The following SLC17A9 variants were observed in gnomAD, a reference collection of about 807,000 sequenced individuals.
SLC17A9 encodes the protein solute carrier family 17 member 9, also known as voltage-gated purine nucleotide uniporter SLC17A9.
Under a neutral mutation model 55.0 loss-of-function variants are expected in SLC17A9, and 49 were observed. The observed-to-expected ratio is 0.89, with a 90% confidence interval of 0.71 to 1.13. The LOEUF is 1.13. Among genes scored for constraint, SLC17A9 ranks in the 50% most tolerant of loss-of-function variants. The pLI is 0.00. For missense variants in SLC17A9, 526 were observed against 569.3 expected, an observed-to-expected ratio of 0.92 and a Z score of 0.77; for synonymous variants, 256 against 247.4, an observed-to-expected ratio of 1.03 and a Z score of -0.32.
At chr20:62,964,180 G>A (rs2065614266) in intron 7 of SLC17A9, 48 bp from the exon 8 acceptor site, 3 of 1,591,112 alleles carry the variant, frequency 1.9e-6, no homozygotes, top group Non-Finnish European at 2.6e-6. Context: ...CTTCCAGATG[G>A]CCAGATGCCG....
intron 7 of SLC17A9, 136 bp from the exon 8 acceptor site, chr20:62,964,092 C>T: frequency 1.2e-6 from 1 of 851,558 alleles, no homozygotes; most frequent in Non-Finnish European, 1.9e-6. Context: ...TGCACATTCC[C>T]AGGAGCAGGG....
At position 62,967,680 on chromosome 20, in the gene SLC17A9, G is replaced by GGGGGGGGC; in HGVS notation, c.*180_*181insGGGGGGGC. 1 of 282,786 alleles carries GGGGGGGGC rather than the reference G, an allele frequency of 3.5e-6. No homozygotes were observed. The highest frequency in any genetic ancestry group is 7.0e-6 in the Non-Finnish European group (1 of 142,700). 17.5% of individuals were successfully genotyped at this position (282,786 alleles called of 1,614,324 possible). ...AACAGCTGGTGGGAGGGTGGGGTGG[G>GGGGGGGGC]CCTGGGTCCAGACCAGGCTCGCTGC... On this transcript the variant is annotated 3_prime_UTR_variant, in exon 13 of 13. Transcript: ENST00000370351.
In SLC17A9 at chr20:62,967,742, C is replaced by T. The variant is rs1422421069; in HGVS notation, c.*242C>T. 4 of 472,632 alleles carry T rather than the reference C, an allele frequency of 8.5e-6. No individual in the cohort carries two copies. Among genetic ancestry groups the T allele is most frequent in the East Asian group, 3.6e-5 (1 of 27,924 alleles). 29.3% of individuals were successfully genotyped at this position (472,632 alleles called of 1,614,324 possible). ...CAGTTTCCCCACCTGCCAGCGGGCT[C>T]GGCCCTGTCCTCCTCACAGGCTGGT... is the stretch of plus-strand genomic sequence containing the variant. On this transcript the variant is annotated 3_prime_UTR_variant, in exon 13 of 13. Coordinates refer to ENST00000370351, the MANE Select transcript of SLC17A9 (RefSeq NM_022082.4).
rs1287197450 is a variant in SLC17A9 at position 62,963,659 on chromosome 20, G to A, written c.801G>A (p.Glu267=). Reference sequence around the variant, plus strand: ...TCTCCTGGCTGCCCACCTTCTTCGAGGAGACCTTCCCCGACGCCAAGGTGA... The same window carrying A: ...TCTCCTGGCTGCCCACCTTCTTCGAAGAGACCTTCCCCGACGCCAAGGTGA... ...ILLSWLPTFF[E]ETFPDAKGWI... Residue 267 remains glutamate (E), a synonymous_variant, in exon 7 of 13, where the codon GAG becomes GAA. Coordinates refer to ENST00000370351, the MANE Select transcript of SLC17A9 (RefSeq NM_022082.4). 3.7e-6 allele frequency: 6 copies of A among 1,600,760 alleles called. No homozygotes were observed. Among genetic ancestry groups the A allele is most frequent in the Non-Finnish European group, 4.3e-6 (5 of 1,173,772 alleles).
At chr20:62,964,917 G>C in intron 8 of SLC17A9, 1 of 565,612 alleles carries the variant, frequency 1.8e-6, no homozygotes, top group Non-Finnish European at 3.1e-6. Context: ...CCAAACCCAC[G>C]CCTTGGGAAC....
Position 62,967,238 on chromosome 20 carries a change from C to T in SLC17A9, c.1148-99C>T, listed in dbSNP as rs2147662855. 9 of 1,437,744 alleles carry T rather than the reference C, an allele frequency of 6.3e-6. No individual in the cohort carries two copies. The East Asian group carries it at 1.1e-4, about 18-fold the overall frequency. The allele number at this position is 1,437,744 out of a possible 1,614,324, so 89.1% of individuals were successfully genotyped here. The stretch of plus-strand genomic sequence containing the variant: ...ATGGGGGCTCCTATCAGGCGCTAGA[C>T]CCCCAGCCCTTCCCCTGGCACTACC... On this transcript the variant is annotated intron_variant, in intron 12 of 12. Transcript: ENST00000370351.
chr20:62,957,165 A>G, intron 2 of SLC17A9: 1 of 985,304 alleles, frequency 1.0e-6, no homozygotes, highest in African/African-American at 1.7e-5. Flanking sequence ...CTTGGTGGAT[A>G]AATCTGGGCA....
In SLC17A9 at chr20:62,953,162, C is replaced by G. The variant is rs907883651; in HGVS notation, c.59+273C>G. 19 of 1,535,718 alleles carry G rather than the reference C, an allele frequency of 1.2e-5. No individual in the cohort carries two copies. In the Middle Eastern group the frequency reaches 6.7e-4, roughly 54 times the overall value. The stretch of plus-strand genomic sequence containing the variant: ...CTCTTCCAGGCAGGGCTATGTTCCC[C>G]AGGCCAGGGGCATTGTCCTGGACAG... On this transcript the variant is annotated intron_variant, in intron 1 of 12. Transcript: ENST00000370351.
rs1320532331 is a variant in SLC17A9 at position 62,968,796 on chromosome 20, AGG to A, written c.*1299_*1300del. ...TGGGTTTCGGGGTTCCTTTGCCGCC[AGG>A]GGTCCTGCGTGTCCACAGATGACAG... On this transcript the variant is annotated 3_prime_UTR_variant, in exon 13 of 13. Coordinates refer to ENST00000370351, the MANE Select transcript of SLC17A9 (RefSeq NM_022082.4). 6.6e-6 allele frequency: 1 copy of A among 152,242 alleles called. No individual in the cohort carries two copies. The highest frequency in any genetic ancestry group is 2.4e-5 in the African/African-American group (1 of 41,442). The allele number at this position is 152,242 out of a possible 1,614,324, so 9.4% of individuals were successfully genotyped here.
chr20:62,967,224 T>TA (rs2065648820), intron 12 of SLC17A9, 113 bp from the exon 13 acceptor site: 8 of 1,293,882 alleles, frequency 6.2e-6, no homozygotes, highest in Admixed American at 2.0e-5. Flanking sequence ...TGGGGGCTCC[T>TA]ATCAGGCGCT....
intron 3 of SLC17A9, among the ~76,000 whole-genome samples, chr20:62,960,292 G>A (rs1429947983): frequency 1.3e-5 from 2 of 152,244 alleles, no homozygotes; most frequent in African/African-American, 4.8e-5. Context: ...TCCCTCAGCC[G>A]TGCGGGTGGC....
intron 1 of SLC17A9, among the ~76,000 whole-genome samples, chr20:62,955,254 T>G (rs2065526986): frequency 6.6e-6 from 1 of 151,288 alleles, no homozygotes; most frequent in Non-Finnish European, 1.5e-5. Context: ...TTCAAGCGAT[T>G]CTCCTGCCTC....
At chr20:62,966,619 G>T in intron 11 of SLC17A9, 39 bp downstream of exon 11, 1 of 1,613,864 alleles carries the variant, frequency 6.2e-7, no homozygotes, top group Non-Finnish European at 8.5e-7. Context: ...CCCCTCCCTG[G>T]GCCTCCGGGT....
intron 2 of SLC17A9, 186 bp from the exon 3 acceptor site, chr20:62,957,255 G>A (rs2147646720): frequency 2.0e-6 from 2 of 985,410 alleles, no homozygotes; most frequent in Non-Finnish European, 2.4e-6. Context: ...GCAGGCAGAG[G>A]AGGCAGGCCG....
rs2065560161 is a variant in SLC17A9 at position 62,958,320 on chromosome 20, T to C, written c.397+740T>C. 6.6e-6 allele frequency among the ~76,000 whole-genome samples: 1 copy of C among 152,094 alleles called. No individual in the cohort carries two copies. Among genetic ancestry groups the C allele is most frequent in the Non-Finnish European group, 1.5e-5 (1 of 68,000 alleles). On this transcript the variant is annotated intron_variant, in intron 3 of 12. Coordinates refer to ENST00000370351, the MANE Select transcript of SLC17A9 (RefSeq NM_022082.4). This position sits in a 1 kb window ranked among gnomAD's most constrained non-coding sequence, Gnocchi z 4.1. ...TGGATTCCAGCTGCAAGGGACCTGC[T>C]GTGGGACTCTGGGTTTTGTGCATTT...
chr20:62,964,794 A>G (rs988953023), intron 8 of SLC17A9, among the ~76,000 whole-genome samples: 16 of 152,182 alleles, frequency 1.1e-4, no homozygotes, highest in Non-Finnish European at 2.4e-4. Flanking sequence ...CTAATTGCAA[A>G]AGGAATACAC....
At chr20:62,955,295 C>T (rs1294890702) in intron 1 of SLC17A9, among the ~76,000 whole-genome samples, 1 of 151,766 alleles carries the variant, frequency 6.6e-6, no homozygotes, top group Non-Finnish European at 1.5e-5. Context: ...TTACAGGCAC[C>T]CGCCACTACG....
At chr20:62,965,278 CCAGGCCTCT>C in intron 9 of SLC17A9, 112 bp downstream of exon 9, 1 of 1,374,148 alleles carries the variant, frequency 7.3e-7, no homozygotes, top group South Asian at 1.2e-5. Flanking sequence ...CAGGCAAATG[CCAGGCCTCT>C]CCATGTGTCC....
At chr20:62,964,187 G>A (rs1312473657) in intron 7 of SLC17A9, 41 bp from the exon 8 acceptor site, 2 of 1,595,104 alleles carry the variant, frequency 1.3e-6, no homozygotes, top group Admixed American at 1.7e-5. Flanking sequence ...ATGGCCAGAT[G>A]CCGGCCCTGG....
Sources: gnomAD v4.1 joint callset for allele counts (sites outside exome capture counted in the v4.1 genomes callset) on GRCh38, gnomAD v4.1.1 for gene constraint, Gnocchi (gnomAD v3.1) non-coding constraint, MANE v1.5 for transcripts, NCBI Gene and HGNC (gene_info 2026-07-23, HGNC 2026-07-21) for gene names.